Variants in GRID1 observed in about 807,000 individuals in gnomAD.
GRID1 encodes the protein glutamate receptor ionotropic, delta-1.
Under a neutral mutation model 98.0 loss-of-function variants are expected in GRID1, and 28 were observed. The observed-to-expected ratio is 0.29, with a 90% confidence interval of 0.21 to 0.39. The LOEUF is 0.39. Ranked by LOEUF, GRID1 falls within the 10% of genes least tolerant of loss-of-function variation. The probability of loss-of-function intolerance (pLI) is 1.00; values close to 1 mark genes in which losing one functional copy is unlikely to be tolerated. For synonymous variants in GRID1, 553 were observed against 538.5 expected, an observed-to-expected ratio of 1.03 and a Z score of -0.37; for missense variants, 1,111 against 1,340.5, an observed-to-expected ratio of 0.83 and a Z score of 2.67.
intron 8 of GRID1, among the ~76,000 whole-genome samples, chr10:85,766,739 T>TGC (rs1373315517): frequency 6.6e-6 from 1 of 150,500 alleles, no homozygotes; most frequent in Admixed American, 6.6e-5. Flanking sequence ...ATTGTGTGTG[T>TGC]GTGTGTGTGT....
chr10:85,828,831 G>A (rs1169781255), intron 8 of GRID1, among the ~76,000 whole-genome samples: 2 of 152,006 alleles, frequency 1.3e-5, no homozygotes, highest in Non-Finnish European at 2.9e-5. Flanking sequence ...CTACCAACCA[G>A]AAAAAGCCCA....
intron 2 of GRID1, among the ~76,000 whole-genome samples, chr10:86,251,235 G>T (rs369996190): frequency 2.0e-5 from 3 of 151,924 alleles, no homozygotes; most frequent in African/African-American, 7.3e-5. Flanking sequence ...CCTCTGCCTA[G>T]GAAAACCAGA....
At chr10:86,115,058 G>A (rs976336055) in intron 4 of GRID1, among the ~76,000 whole-genome samples, 1 of 152,068 alleles carries the variant, frequency 6.6e-6, no homozygotes, top group African/African-American at 2.4e-5. Context: ...AGAGGAGCAG[G>A]CAGGAGAAGC....
At chr10:86,096,877 G>T (rs1410928051) in intron 4 of GRID1, among the ~76,000 whole-genome samples, 1 of 152,162 alleles carries the variant, frequency 6.6e-6, no homozygotes, top group Non-Finnish European at 1.5e-5. Context: ...CAGGATTCAC[G>T]GGTCCAGGAA....
chr10:85,854,819 G>C (rs977923727), intron 7 of GRID1, among the ~76,000 whole-genome samples: 11 of 152,192 alleles, frequency 7.2e-5, no homozygotes, highest in Non-Finnish European at 2.9e-5. Flanking sequence ...TTGCTTATGG[G>C]AGAAATCCCT....
intron 12 of GRID1, among the ~76,000 whole-genome samples, chr10:85,685,850 C>T (rs1390819485): frequency 6.6e-6 from 1 of 151,596 alleles, no homozygotes; most frequent in Non-Finnish European, 1.5e-5. Context: ...ATATACTATT[C>T]ATATTAACAA....
At chr10:86,315,669 C>A (rs1847888268) in intron 2 of GRID1, among the ~76,000 whole-genome samples, 1 of 152,092 alleles carries the variant, frequency 6.6e-6, no homozygotes, top group African/African-American at 2.4e-5. Flanking sequence ...CTTCATCCAT[C>A]CATCCTCCCA....
chr10:85,679,933 A>G (rs1841188753), intron 12 of GRID1, among the ~76,000 whole-genome samples: 1 of 152,032 alleles, frequency 6.6e-6, no homozygotes, highest in Non-Finnish European at 1.5e-5. Context: ...GCCTAGGGAG[A>G]GGTGGTGGCC....
At chr10:85,790,974 C>G (rs1372375313) in intron 8 of GRID1, among the ~76,000 whole-genome samples, 1 of 152,210 alleles carries the variant, frequency 6.6e-6, no homozygotes, top group Non-Finnish European at 1.5e-5. Flanking sequence ...GGGCAACACA[C>G]TCTACTGCCT....
intron 12 of GRID1, among the ~76,000 whole-genome samples, chr10:85,701,035 C>T (rs1841444975): frequency 6.6e-6 from 1 of 152,122 alleles, no homozygotes; most frequent in African/African-American, 2.4e-5. Flanking sequence ...CAGATACCTA[C>T]TGAAATGAAC....
chr10:85,836,629 C>T (rs1313011885), intron 8 of GRID1, among the ~76,000 whole-genome samples: 1 of 152,158 alleles, frequency 6.6e-6, no homozygotes, highest in African/African-American at 2.4e-5. Flanking sequence ...AGTATAGAGG[C>T]TTTGGTATAG....
At chr10:85,972,387 C>T (rs574433282) in intron 4 of GRID1, among the ~76,000 whole-genome samples, 5 of 149,456 alleles carry the variant, frequency 3.3e-5, no homozygotes, top group African/African-American at 9.9e-5. Flanking sequence ...ACAGGCCAGC[C>T]ATCCCATGAA....
At chr10:86,352,966 G>A (rs183432399) in intron 2 of GRID1, among the ~76,000 whole-genome samples, 941 of 152,330 alleles carry the variant, frequency 6.2e-3, no homozygotes, top group Middle Eastern at 0.014. Context: ...CCTTGGCCAA[G>A]TTAAGTGACC....
chr10:85,914,697 C>T (rs1005326070), intron 5 of GRID1, among the ~76,000 whole-genome samples: 6 of 152,144 alleles, frequency 3.9e-5, no homozygotes, highest in Admixed American at 3.3e-4. Context: ...ATAAGCCACC[C>T]AAGACTATTT....
At chr10:85,699,756 T>C (rs1462920827) in intron 12 of GRID1, among the ~76,000 whole-genome samples, 1 of 152,212 alleles carries the variant, frequency 6.6e-6, no homozygotes, top group Non-Finnish European at 1.5e-5. Context: ...TATTTTCTCC[T>C]CTGAATCTGT....
intron 2 of GRID1, among the ~76,000 whole-genome samples, chr10:86,253,527 T>C (rs1846869508): frequency 6.6e-6 from 1 of 152,140 alleles, no homozygotes; most frequent in South Asian, 2.1e-4. Context: ...GAGCTGTACA[T>C]TGCCGCTCCC....
chr10:85,960,800 C>T (rs1209350433), intron 4 of GRID1, among the ~76,000 whole-genome samples: 1 of 152,242 alleles, frequency 6.6e-6, no homozygotes, highest in African/African-American at 2.4e-5. Flanking sequence ...TGGAGCACTG[C>T]ATTCCACCCA....
In GRID1 at chr10:85,652,909, G is replaced by A. The variant is rs114498660; in HGVS notation, c.1998-5512C>T. On this transcript the variant is annotated intron_variant, in intron 12 of 15. Transcript: ENST00000327946. ...TATGTCTGGGGATAGGGCAAGAATG[G>A]CACAAAGTTCCTACTTTTGTGGATT... 2.7e-3 allele frequency among the ~76,000 whole-genome samples: 404 copies of A among 152,280 alleles called. 1 individual carries two copies. The highest frequency in any genetic ancestry group is 9.4e-3 in the African/African-American group (390 of 41,546).
At chr10:85,931,138 T>C (rs1841846184) in intron 4 of GRID1, among the ~76,000 whole-genome samples, 1 of 152,160 alleles carries the variant, frequency 6.6e-6, no homozygotes, top group South Asian at 2.1e-4. Flanking sequence ...GGTGTTACTC[T>C]TAAGCATCCT....
Sources: gnomAD v4.1 joint callset for allele counts (sites outside exome capture counted in the v4.1 genomes callset) on GRCh38, gnomAD v4.1.1 for gene constraint, MANE v1.5 for transcripts, NCBI Gene and HGNC (gene_info 2026-07-23, HGNC 2026-07-21) for gene names.